Variants in PCDHGA6 observed in about 807,000 individuals in gnomAD.
PCDHGA6 encodes protocadherin gamma subfamily A, 6, also known as protocadherin gamma-A6.
In PCDHGA6, 41 loss-of-function variants were observed where a neutral mutation model predicts 60.6. That is an observed-to-expected ratio of 0.68 (90% CI 0.53 to 0.88). PCDHGA6 has a LOEUF of 0.88. Ranked by LOEUF, PCDHGA6 falls within the 40% of genes least tolerant of loss-of-function variation. The pLI is 0.00. For missense variants in PCDHGA6, 1,312 were observed against 1,203.0 expected (o/e 1.09, Z -1.34); for synonymous variants, 594 against 524.4 (o/e 1.13, Z -1.81).
chr5:141,511,403 A>C lies in PCDHGA6; in HGVS notation c.*230A>C. On this transcript the variant is annotated 3_prime_UTR_variant, in exon 4 of 4. Coordinates refer to ENST00000517434, the MANE Select transcript of PCDHGA6 (RefSeq NM_018919.3). Reference sequence around the variant, plus strand: ...TCCGCTGGGAACCCCCATCCAATCAACTGCTGTACCCATGGGGGTAGTGGG... The same window carrying C: ...TCCGCTGGGAACCCCCATCCAATCACCTGCTGTACCCATGGGGGTAGTGGG... 8.5e-6 allele frequency: 8 copies of C among 939,018 alleles called. No individual in the cohort carries two copies. The highest frequency in any genetic ancestry group is 1.2e-5 in the Non-Finnish European group (8 of 650,834). The allele number at this position is 939,018 out of a possible 1,614,324, so 58.2% of individuals were successfully genotyped here. A position where few individuals can be genotyped will look rare whatever the true frequency, so the allele number is the denominator to read the frequency against.
chr5:141,389,001 G>T (rs1313177903), intron 1 of PCDHGA6: 1 of 1,614,018 alleles, frequency 6.2e-7, no homozygotes, highest in Non-Finnish European at 8.5e-7. Context: ...CCGTGACAAG[G>T]ATTCCAGACA....
intron 1 of PCDHGA6, chr5:141,410,671 C>T: frequency 1.3e-6 from 2 of 1,563,260 alleles, no homozygotes; most frequent in Non-Finnish European, 1.7e-6. Context: ...ACTAGTTTCT[C>T]ATATTTTAGG....
rs1168799961 is a variant in PCDHGA6, at chr5:141,487,844, A to G, written c.2425-6963A>G. ...CGGGTCATGCCTATATCTGAGTAAG[A>G]AATGAAAGTAATTGGTGATCAAGAG... On this transcript the variant is annotated intron_variant, in intron 1 of 3. Coordinates refer to ENST00000517434, the MANE Select transcript of PCDHGA6 (RefSeq NM_018919.3). The surrounding 1 kb of genome is among the most constrained non-coding windows in gnomAD (Gnocchi z 5.0). 2 of 1,043,076 alleles carry G rather than the reference A, an allele frequency of 1.9e-6. No homozygotes were observed. Among genetic ancestry groups the G allele is most frequent in the Non-Finnish European group, 2.7e-6 (2 of 730,916 alleles). The allele number at this position is 1,043,076 out of a possible 1,614,324, so 64.6% of individuals were successfully genotyped here.
rs745835885 is a variant in PCDHGA6, at chr5:141,376,254, T to C, written c.2171T>C (p.Leu724Pro). The C allele has an allele frequency of 1.9e-6, 3 of 1,614,098 alleles. No individual in the cohort carries two copies. Among genetic ancestry groups the C allele is most frequent in the Non-Finnish European group, 2.5e-6 (3 of 1,180,048 alleles). ...CTGCAGCGCTGGCACAAGTCACGCC[T>C]GCTGCAGGCTTCGGGAGGTGGCTTA... ...LRLQRWHKSR[L>P]LQASGGGLAS... The change falls in exon 1 of 4, where the codon CTG (leucine) becomes CCG (proline). Residue 724 changes from leucine to proline, a missense_variant. Leu to Pro is a moderately conservative substitution (Grantham distance 98, BLOSUM62 -3). Transcript: ENST00000517434.
rs776718024 is a variant in PCDHGA6 at position 141,486,333 on chromosome 5, T to C, written c.2425-8474T>C. 8.1e-6 allele frequency: 13 copies of C among 1,614,080 alleles called. No individual in the cohort carries two copies. Among genetic ancestry groups the C allele is most frequent in the Non-Finnish European group, 1.1e-5 (13 of 1,179,998 alleles). On this transcript the variant is annotated intron_variant, in intron 1 of 3. Coordinates refer to ENST00000517434, the MANE Select transcript of PCDHGA6 (RefSeq NM_018919.3). The surrounding 1 kb of genome is among the most constrained non-coding windows in gnomAD (Gnocchi z 5.0). ...TCAGGGTCAAACGGAGATGTGAGCC[T>C]CCGCATTCCTGACCACTTGCCATTT...
chr5:141,377,011 C>T (rs911303450), intron 1 of PCDHGA6: 6 of 155,270 alleles, frequency 3.9e-5, no homozygotes, highest in Non-Finnish European at 5.7e-5. Context: ...TATTGGTTGA[C>T]AGGAAAATTC....
In PCDHGA6 at chr5:141,414,949, G is replaced by A. The variant is rs774769957; in HGVS notation, c.2424+38442G>A. On this transcript the variant is annotated intron_variant, in intron 1 of 3. Transcript: ENST00000517434. ...CCGCTCCGCAGAGCCCGGCTACCTGGTGACCAAGGTGGTGGCGGTGGACAG... is the reference window on the plus strand; with the variant it reads ...CCGCTCCGCAGAGCCCGGCTACCTGATGACCAAGGTGGTGGCGGTGGACAG... The A allele has an allele frequency of 8.1e-6, 13 of 1,614,096 alleles. 1 individual carries two copies. The South Asian group carries it at 1.4e-4, about 18-fold the overall frequency.
rs143083513 is a variant in PCDHGA6 at position 141,431,088 on chromosome 5, T to C, written c.2424+54581T>C. On this transcript the variant is annotated intron_variant, in intron 1 of 3. Coordinates refer to ENST00000517434, the MANE Select transcript of PCDHGA6 (RefSeq NM_018919.3). This position sits in a 1 kb window ranked among gnomAD's most constrained non-coding sequence, Gnocchi z 4.8. The stretch of plus-strand genomic sequence containing the variant: ...TGTCAATTAAATCTAGACATTCTGA[T>C]GGAGGATAAAGTGAAAATATATGGA... 106 of 1,614,180 alleles carry C rather than the reference T, an allele frequency of 6.6e-5. 1 individual carries two copies. The highest frequency in any genetic ancestry group is 3.1e-4 in the East Asian group (14 of 44,890).
rs748486683 is a variant in PCDHGA6, at chr5:141,374,702, G to A, written c.619G>A (p.Val207Ile). 8 of 1,609,096 alleles carry A rather than the reference G, an allele frequency of 5.0e-6. No homozygotes were observed. In the Admixed American group the frequency reaches 5.1e-5, roughly 10 times the overall value. The part of the protein sequence containing the change: ...EGTLDREGEA[V>I]YRLVLTAMDG... ...CACACTGGACCGGGAAGGAGAAGCCGTTTACCGCCTGGTCCTTACTGCCAT... is the reference window on the plus strand; with the variant it reads ...CACACTGGACCGGGAAGGAGAAGCCATTTACCGCCTGGTCCTTACTGCCAT... The change falls in exon 1 of 4, where the codon GTT (valine) becomes ATT (isoleucine). Residue 207 changes from valine to isoleucine, a missense_variant. Transcript: ENST00000517434.
chr5:141,475,977 A>C, intron 1 of PCDHGA6: 1 of 972,828 alleles, frequency 1.0e-6, no homozygotes, highest in Non-Finnish European at 1.5e-6. Flanking sequence ...GAGACTGAAC[A>C]GCCGGCGAGC....
chr5:141,440,056 G>A, intron 1 of PCDHGA6: 1 of 152,648 alleles, frequency 6.6e-6, no homozygotes, highest in East Asian at 1.9e-4. Flanking sequence ...GAAAGCTTCG[G>A]GTTAATGCTG....
intron 1 of PCDHGA6, chr5:141,427,440 G>C (rs747459662): frequency 4.2e-6 from 2 of 477,366 alleles, no homozygotes; most frequent in African/African-American, 2.0e-5. Flanking sequence ...CCTCATAAAC[G>C]AAAGAGTTCC....
Position 141,491,522 on chromosome 5 carries a change from A to G in PCDHGA6, c.2425-3285A>G, listed in dbSNP as rs778246278. ...TCGGACGGCACGCTCAAGTACATGG[A>G]GGTGACGCTGCGGCCCACAGACTCG... is the stretch of plus-strand genomic sequence containing the variant. On this transcript the variant is annotated intron_variant, in intron 1 of 3. Coordinates refer to ENST00000517434, the MANE Select transcript of PCDHGA6 (RefSeq NM_018919.3). The surrounding 1 kb of genome is among the most constrained non-coding windows in gnomAD (Gnocchi z 6.9). 8.1e-6 allele frequency: 13 copies of G among 1,614,024 alleles called. No homozygotes were observed. Among genetic ancestry groups the G allele is most frequent in the Non-Finnish European group, 1.1e-5 (13 of 1,180,002 alleles).
At position 141,381,820 on chromosome 5, in the gene PCDHGA6, C is replaced by CTTTCTTTCT. The variant is rs1279410534; in HGVS notation, c.2424+5315_2424+5316insTCTTTCTTT. On this transcript the variant is annotated intron_variant, in intron 1 of 3. Transcript: ENST00000517434. ...TCCCTCTTTCTTTCTTTCTTTCTTT[C>CTTTCTTTCT]TTCTTCTTTTTTTTTTTTTTTTTTT... is the stretch of plus-strand genomic sequence containing the variant. 4.1e-3 allele frequency among the ~76,000 whole-genome samples: 486 copies of CTTTCTTTCT among 119,674 alleles called. 3 individuals carry two copies. The highest frequency in any genetic ancestry group is 0.016 in the African/African-American group (465 of 29,196). The allele number at this position is 119,674 out of a possible 152,430, so 78.5% of individuals were successfully genotyped here.
chr5:141,421,817 T>A (rs375019903), intron 1 of PCDHGA6: 34 of 1,613,662 alleles, frequency 2.1e-5, no homozygotes, highest in Non-Finnish European at 2.8e-5. Context: ...GAGCTAGTAC[T>A]GGAGGGAAGC....
intron 1 of PCDHGA6, among the ~76,000 whole-genome samples, chr5:141,443,156 A>G (rs1059029): frequency 0.29 from 44,047 of 151,812 alleles, 7,376 homozygotes; most frequent in African/African-American, 0.47. Flanking sequence ...ACTGCATTTT[A>G]TTTCCCTACC....
At chr5:141,404,451 C>G in intron 1 of PCDHGA6, 4 of 1,613,166 alleles carry the variant, frequency 2.5e-6, no homozygotes, top group Non-Finnish European at 3.4e-6. Flanking sequence ...CAAGGGTCTC[C>G]TCTCTCCACC....
At chr5:141,448,948 A>AAAAC (rs1237948751) in intron 1 of PCDHGA6, among the ~76,000 whole-genome samples, 2 of 152,170 alleles carry the variant, frequency 1.3e-5, no homozygotes, top group African/African-American at 2.4e-5. Flanking sequence ...GCAACTCAAA[A>AAAAC]AAACAAACAA....
intron 1 of PCDHGA6, chr5:141,410,503 A>G: frequency 6.2e-7 from 1 of 1,613,958 alleles, no homozygotes; most frequent in Non-Finnish European, 8.5e-7. Context: ...TTAATTTCCT[A>G]AAATGCAGTG....
Sources: gnomAD v4.1 joint callset for allele counts (sites outside exome capture counted in the v4.1 genomes callset) on GRCh38, gnomAD v4.1.1 for gene constraint, Gnocchi (gnomAD v3.1) non-coding constraint, MANE v1.5 for transcripts, NCBI Gene and HGNC (gene_info 2026-07-23, HGNC 2026-07-21) for gene names.